SRBD1: variants seen among roughly 807,000 people sequenced by gnomAD.
SRBD1 encodes the protein S1 RNA-binding domain-containing protein 1.
Under a neutral mutation model 115.3 loss-of-function variants are expected in SRBD1, and 88 were observed. The ratio of observed to expected loss-of-function variants is 0.76; its 90% CI spans 0.64 to 0.91. The LOEUF (loss-of-function observed/expected upper bound fraction) is 0.91, where lower values mean the gene tolerates loss of function less well. SRBD1 is among the 40% of genes least tolerant of loss of function. The pLI, the probability that SRBD1 is intolerant of heterozygous loss-of-function variation, is 0.00. For synonymous variants in SRBD1, 509 were observed against 407.7 expected (o/e 1.25, Z -2.99); for missense variants, 1,385 against 1,177.4 (o/e 1.18, Z -2.58).
At chr2:45,414,482 T>G (rs940588711) in intron 18 of SRBD1, among the ~76,000 whole-genome samples, 1 of 140,300 alleles carries the variant, frequency 7.1e-6, no homozygotes, top group Admixed American at 7.2e-5. Flanking sequence ...ATAGTGTGTG[T>G]GTACAGTGTG....
At chr2:45,414,321 G>A (rs73925648) in intron 18 of SRBD1, among the ~76,000 whole-genome samples, 26,494 of 151,972 alleles carry the variant, frequency 0.17, 3,078 homozygotes, top group African/African-American at 0.32. Context: ...GAAAAATGAT[G>A]ATATGAACTA....
chr2:45,549,072 T>C (rs1672210228), intron 12 of SRBD1: 1 of 152,220 alleles, frequency 6.6e-6, no homozygotes, highest in African/African-American at 2.4e-5. Flanking sequence ...CCAGTACTTC[T>C]GAAAGGATTG....
chr2:45,501,034 T>C (rs1031918621), intron 14 of SRBD1, among the ~76,000 whole-genome samples: 7 of 152,306 alleles, frequency 4.6e-5, no homozygotes, highest in Non-Finnish European at 1.0e-4. Flanking sequence ...ATACAGACTT[T>C]ATTGTGTTGA....
chr2:45,605,490 C>T (rs778765400), intron 1 of SRBD1, 49 bp from the exon 2 acceptor site: 2 of 1,528,280 alleles, frequency 1.3e-6, no homozygotes, highest in South Asian at 2.3e-5. Flanking sequence ...ATTCTTATCA[C>T]TTTATTTGGC....
intron 16 of SRBD1, among the ~76,000 whole-genome samples, chr2:45,425,854 A>T (rs181021413): frequency 2.6e-5 from 4 of 152,314 alleles, no homozygotes; most frequent in African/African-American, 9.6e-5. Context: ...TGCAACCCGC[A>T]GACCAGGAGA....
chr2:45,552,781 T>C (rs924510232), intron 11 of SRBD1, among the ~76,000 whole-genome samples: 1 of 152,196 alleles, frequency 6.6e-6, no homozygotes, highest in Non-Finnish European at 1.5e-5. Flanking sequence ...TAAAAAGAAA[T>C]TGGACAACAG....
At chr2:45,414,029 C>G (rs72616917) in intron 18 of SRBD1, among the ~76,000 whole-genome samples, 6,890 of 152,104 alleles carry the variant, frequency 0.045, 303 homozygotes, top group East Asian at 0.14. Context: ...AAAAGGCTTT[C>G]AAGAGAGAAA....
At chr2:45,555,276 T>C (rs1354621188) in intron 10 of SRBD1, among the ~76,000 whole-genome samples, 1 of 152,136 alleles carries the variant, frequency 6.6e-6, no homozygotes, top group East Asian at 1.9e-4. Flanking sequence ...TCCCTGCTAC[T>C]TAGAAGGCTG....
At chr2:45,547,950 A>G (rs1399705006) in intron 12 of SRBD1, among the ~76,000 whole-genome samples, 1 of 152,166 alleles carries the variant, frequency 6.6e-6, no homozygotes, top group Non-Finnish European at 1.5e-5. Context: ...CTGTTGTGAG[A>G]CTATCCTATT....
At chr2:45,563,135 G>A (rs72794721) in intron 9 of SRBD1, among the ~76,000 whole-genome samples, 9 of 152,160 alleles carry the variant, frequency 5.9e-5, no homozygotes, top group Non-Finnish European at 1.2e-4. Context: ...AATCCTAGGT[G>A]CAATATTTAG....
chr2:45,513,266 A>C (rs1482819744), intron 14 of SRBD1, among the ~76,000 whole-genome samples: 1 of 152,122 alleles, frequency 6.6e-6, no homozygotes, highest in African/African-American at 2.4e-5. Flanking sequence ...CCCAAACGTA[A>C]TCCCTAACTA....
At position 45,406,871 on chromosome 2, in the gene SRBD1, T is replaced by C. The variant is rs1056732594; in HGVS notation, c.2513+6243A>G. On this transcript the variant is annotated intron_variant, in intron 19 of 20. Transcript: ENST00000263736. ...ACACTCAAAGACAGCATATTCCAGA[T>C]ACTTTTTTTTTTTTCTTCTTAAGAA... Among the ~76,000 whole-genome samples, 8 of 152,218 alleles carry C rather than the reference T, an allele frequency of 5.3e-5. No individual in the cohort carries two copies. The East Asian group carries it at 1.5e-3, about 29-fold the overall frequency.
intron 9 of SRBD1, among the ~76,000 whole-genome samples, chr2:45,563,694 A>G (rs1464590298): frequency 1.3e-5 from 2 of 152,108 alleles, no homozygotes; most frequent in African/African-American, 4.8e-5. Context: ...CAAATTAGAT[A>G]ACTAAGATAA....
At chr2:45,409,605 A>G (rs1667537933) in intron 19 of SRBD1, among the ~76,000 whole-genome samples, 1 of 152,042 alleles carries the variant, frequency 6.6e-6, no homozygotes, top group African/African-American at 2.4e-5. Flanking sequence ...TACTGATGAC[A>G]TAACTACTTA....
chr2:45,419,249 C>T (rs1406606803), intron 17 of SRBD1, among the ~76,000 whole-genome samples: 3 of 152,146 alleles, frequency 2.0e-5, no homozygotes, highest in Non-Finnish European at 4.4e-5. Context: ...CATTAGCAGA[C>T]TTGTGTAATA....
intron 16 of SRBD1, among the ~76,000 whole-genome samples, chr2:45,471,497 TC>T (rs1669645768): frequency 6.6e-6 from 1 of 152,208 alleles, no homozygotes; most frequent in Admixed American, 6.5e-5. Flanking sequence ...TGTGTATGAA[TC>T]TTAACAGCAG....
chr2:45,403,215 T>G (rs1302508699), intron 19 of SRBD1, among the ~76,000 whole-genome samples: 2 of 152,172 alleles, frequency 1.3e-5, no homozygotes, highest in Non-Finnish European at 2.9e-5. Flanking sequence ...CAAGAGATTC[T>G]GGAAGAAGTA....
At chr2:45,492,727 C>G (rs1670337659) in intron 14 of SRBD1, among the ~76,000 whole-genome samples, 1 of 152,194 alleles carries the variant, frequency 6.6e-6, no homozygotes, top group Non-Finnish European at 1.5e-5. Context: ...GCGCAAGCCA[C>G]TGCGCCCAGC....
At chr2:45,424,691 T>C (rs1668100990) in intron 16 of SRBD1, among the ~76,000 whole-genome samples, 1 of 152,202 alleles carries the variant, frequency 6.6e-6, no homozygotes, top group African/African-American at 2.4e-5. Flanking sequence ...ACAGAAGTGA[T>C]GTGTGATAAG....
Sources: gnomAD v4.1 joint callset for allele counts (sites outside exome capture counted in the v4.1 genomes callset) on GRCh38, gnomAD v4.1.1 for gene constraint, MANE v1.5 for transcripts, NCBI Gene and HGNC (gene_info 2026-07-23, HGNC 2026-07-21) for gene names.